OR1L8: variants seen among roughly 807,000 people sequenced by gnomAD.
OR1L8 encodes the protein olfactory receptor family 1 subfamily L member 8.
For missense variants in OR1L8, 330 were observed against 377.4 expected, an observed-to-expected ratio of 0.87 and a Z score of 1.04; for synonymous variants, 148 against 147.0, an observed-to-expected ratio of 1.01 and a Z score of -0.05.
rs1999182 is a variant in OR1L8, at chr9:122,568,460, G to A, written c.18C>T (p.His6=). MERIN[H]TSSVSEFILL... ...GGATAAACTCGGAGACACTGCTGGT[G>A]TGGTTGATTCTTTCCATTGACTTGG... is the stretch of plus-strand genomic sequence containing the variant. Residue 6 remains histidine (H), a synonymous_variant, in exon 5 of 5, where the codon CAC becomes CAT. Coordinates refer to ENST00000641027, the MANE Select transcript of OR1L8 (RefSeq NM_001004454.2). 0.56 allele frequency: 897,639 copies of A among 1,589,224 alleles called. 259,604 individuals are homozygous for A. The highest frequency in any genetic ancestry group is 0.98 in the East Asian group (43,873 of 44,758).
At position 122,567,419 on chromosome 9, in the gene OR1L8, C is replaced by G. The variant is rs1165462757; in HGVS notation, c.*129G>C. ...GTCATCATCAATGGATGTAAGTGCC[C>G]ACAATAGCCTTGTCTCACATGGGTC... is the stretch of plus-strand genomic sequence containing the variant. On this transcript the variant is annotated 3_prime_UTR_variant, in exon 5 of 5. Transcript: ENST00000641027. 1 of 641,764 alleles carries G rather than the reference C, an allele frequency of 1.6e-6. No individual in the cohort carries two copies. The highest frequency in any genetic ancestry group is 2.6e-6 in the Non-Finnish European group (1 of 378,846). 39.8% of individuals were successfully genotyped at this position (641,764 alleles called of 1,614,324 possible).
the OR1L8 span, chr9:122,553,652 G>A: frequency 6.2e-7 from 1 of 1,614,086 alleles, no homozygotes; most frequent in Non-Finnish European, 8.5e-7. Context: ...GTGCACTAAT[G>A]CTGGGTGTGT....
At chr9:122,570,765 A>G (rs1330157397) in intron 4 of OR1L8, among the ~76,000 whole-genome samples, 1 of 152,216 alleles carries the variant, frequency 6.6e-6, no homozygotes, top group East Asian at 1.9e-4. Context: ...GATTTTATAG[A>G]AGGAATATTT....
chr9:122,553,268 A>G, the OR1L8 span: 2 of 1,613,458 alleles, frequency 1.2e-6, no homozygotes, highest in Non-Finnish European at 1.7e-6. Flanking sequence ...TCCTTCTAGG[A>G]CTCTCTGAGT....
chr9:122,548,511 G>A, the OR1L8 span, among the ~76,000 whole-genome samples: 17 of 152,030 alleles, frequency 1.1e-4, no homozygotes, highest in Non-Finnish European at 2.4e-4. Context: ...TTATGCCAAA[G>A]TGACTCATTA....
downstream of OR1L8, among the ~76,000 whole-genome samples, chr9:122,565,785 A>G (rs1829419350): frequency 6.6e-6 from 1 of 152,224 alleles, no homozygotes; most frequent in Admixed American, 6.5e-5. Flanking sequence ...TTTATGGATC[A>G]TGCTCTTTGC....
intron 4 of OR1L8, among the ~76,000 whole-genome samples, chr9:122,572,147 T>C (rs554875710): frequency 3.6e-4 from 55 of 152,162 alleles, no homozygotes; most frequent in Non-Finnish European, 7.5e-4. Context: ...AACATGATAC[T>C]AGCACCAGTG....
the OR1L8 span, among the ~76,000 whole-genome samples, chr9:122,552,077 T>A: frequency 0.7 from 96,969 of 138,624 alleles, 35,010 homozygotes; most frequent in East Asian, 0.99. Flanking sequence ...TCTCTCTCTC[T>A]CTCACACACA....
chr9:122,571,687 G>T (rs555425958), intron 4 of OR1L8, among the ~76,000 whole-genome samples: 1 of 150,670 alleles, frequency 6.6e-6, no homozygotes. Flanking sequence ...CTGCACTCCA[G>T]CCTGGCGACA....
At position 122,568,497 on chromosome 9, in the gene OR1L8, A is replaced by G. The variant is rs760023498; in HGVS notation, c.-20T>C. ...TTCCATTGACTTGGGCTCAGTTATA[A>G]ACAAGAAGTTTTGTCATTTAACATG... On this transcript the variant is annotated 5_prime_UTR_variant, in exon 5 of 5. Transcript: ENST00000641027. The G allele has an allele frequency of 4.1e-6, 6 of 1,451,920 alleles. No individual in the cohort carries two copies. The highest frequency in any genetic ancestry group is 5.6e-6 in the Non-Finnish European group (6 of 1,067,380). The allele number at this position is 1,451,920 out of a possible 1,614,324, so 89.9% of individuals were successfully genotyped here. A position where few individuals can be genotyped will look rare whatever the true frequency, so the allele number is the denominator to read the frequency against.
chr9:122,560,808 G>A, the OR1L8 span, among the ~76,000 whole-genome samples: 4 of 152,132 alleles, frequency 2.6e-5, no homozygotes, highest in Non-Finnish European at 5.9e-5. Context: ...ATGTGTCTTG[G>A]GGTTGATCTT....
chr9:122,577,533 A>G (rs1829678761), intron 2 of OR1L8, among the ~76,000 whole-genome samples: 1 of 152,252 alleles, frequency 6.6e-6, no homozygotes, highest in African/African-American at 2.4e-5. Flanking sequence ...TTCAGTAAGC[A>G]TGTGAACAAG....
chr9:122,567,950 G>C lies in OR1L8; in HGVS notation c.528C>G (p.His176Gln). The C allele has an allele frequency of 6.2e-7, 1 of 1,614,188 alleles. No homozygotes were observed. ...RLTFCDSNVI[H>Q]HFLCDLSPVL... is the part of the protein sequence containing the mutation. ...CAGGGCTGAGGTCACAGAGAAAGTG[G>C]TGGATAACATTGGAGTCACAGAAGG... The change falls in exon 5 of 5, where the codon CAC (histidine) becomes CAG (glutamine). Residue 176 changes from histidine (H) to glutamine (Q), a missense_variant. Transcript: ENST00000641027.
the OR1L8 span, among the ~76,000 whole-genome samples, chr9:122,560,428 G>A: frequency 6.6e-6 from 1 of 151,934 alleles, no homozygotes; most frequent in African/African-American, 2.4e-5. Flanking sequence ...TAGTATCGTT[G>A]GTCTTTATAT....
chr9:122,550,822 C>T, the OR1L8 span, among the ~76,000 whole-genome samples: 1 of 151,850 alleles, frequency 6.6e-6, no homozygotes, highest in Non-Finnish European at 1.5e-5. Flanking sequence ...TGAACGCATT[C>T]CCCCTAAGAA....
chr9:122,551,059 G>A, the OR1L8 span, among the ~76,000 whole-genome samples: 1 of 152,168 alleles, frequency 6.6e-6, no homozygotes, highest in Admixed American at 6.5e-5. Context: ...ATTGAGTAAA[G>A]TTTCATGATG....
At chr9:122,554,403 T>A in the OR1L8 span, among the ~76,000 whole-genome samples, 1 of 152,118 alleles carries the variant, frequency 6.6e-6, no homozygotes, top group African/African-American at 2.4e-5. Flanking sequence ...AAACTACTAT[T>A]CCTCCTCACA....
intron 1 of OR1L8, among the ~76,000 whole-genome samples, chr9:122,580,185 C>T (rs1289152211): frequency 3.9e-5 from 6 of 152,094 alleles, no homozygotes; most frequent in Non-Finnish European, 4.4e-5. Context: ...AAAAAATGTT[C>T]CAAGAATATT....
At chr9:122,556,292 T>TTG in the OR1L8 span, among the ~76,000 whole-genome samples, 3 of 152,076 alleles carry the variant, frequency 2.0e-5, no homozygotes, top group East Asian at 5.8e-4. Flanking sequence ...CTTTTTTTTT[T>TTG]TTCATGTGGA....
Sources: allele counts gnomAD v4.1 joint callset (sites outside exome capture counted in the v4.1 genomes callset), GRCh38; gene constraint gnomAD v4.1.1; transcripts MANE v1.5; gene names NCBI Gene and HGNC (gene_info 2026-07-23, HGNC 2026-07-21).